The following LPO variants were observed in gnomAD, a reference collection of about 807,000 sequenced individuals.
LPO encodes the protein lactoperoxidase, also known as salivary peroxidase.
In LPO, 70 loss-of-function variants were observed where a neutral mutation model predicts 68.4. The observed-to-expected ratio is 1.02, with a 90% CI of 0.84 to 1.25. The LOEUF (loss-of-function observed/expected upper bound fraction) is 1.25. Ranked by LOEUF, LPO falls within the 50% of genes most tolerant of loss-of-function variation. The pLI, the probability that LPO is intolerant of heterozygous loss-of-function variation, is 0.00. For missense variants in LPO, 873 were observed against 908.4 expected, an observed-to-expected ratio of 0.96 and a Z score of 0.50; for synonymous variants, 360 against 357.6, an observed-to-expected ratio of 1.01 and a Z score of -0.08.
intron 10 of LPO, 37 bp from the exon 11 acceptor site, chr17:58,266,116 C>G: frequency 1.9e-6 from 3 of 1,599,202 alleles, no homozygotes; most frequent in Non-Finnish European, 2.6e-6. Context: ...CCACTCTTCC[C>G]CCAACCTAAG....
chr17:58,252,737 G>C (rs1054989474), intron 8 of LPO, among the ~76,000 whole-genome samples: 2 of 152,030 alleles, frequency 1.3e-5, no homozygotes, highest in Non-Finnish European at 2.9e-5. Flanking sequence ...AAAATAAAAA[G>C]AAAGTGCCAG....
chr17:58,257,091 G>A (rs529624784), intron 9 of LPO, among the ~76,000 whole-genome samples: 18 of 136,680 alleles, frequency 1.3e-4, no homozygotes, highest in African/African-American at 4.8e-4. Flanking sequence ...CTGCCACCAC[G>A]TCCTGCTGAT....
rs1056447772 is a variant in LPO at position 58,266,326 on chromosome 17, G to A, written c.1693G>A (p.Gly565Arg). Residue 565 changes from glycine to arginine, a missense_variant and splice_region_variant, in exon 11 of 13, where the codon GGG becomes AGG. By Grantham distance (125) the Gly-to-Arg change is moderately radical (BLOSUM62 -2). Transcript: ENST00000262290. Reference sequence around the variant, plus strand: ...GCGTTGCCGGGACCATGGGCAACCTGGTGAGTGTCTGAAGTCTGGCCTGCA... The same window carrying A: ...GCGTTGCCGGGACCATGGGCAACCTAGTGAGTGTCTGAAGTCTGGCCTGCA... The part of the protein sequence containing the change: ...TQRCRDHGQP[G>R]YNSWRAFCDL... The A allele has an allele frequency of 4.3e-6, 7 of 1,613,712 alleles. No homozygotes were observed. The highest frequency in any genetic ancestry group is 5.9e-6 in the Non-Finnish European group (7 of 1,179,984).
At position 58,267,924 on chromosome 17, in the gene LPO, C is replaced by A. The variant is rs749070457; in HGVS notation, c.2069C>A (p.Pro690His). The A allele has an allele frequency of 1.2e-6, 2 of 1,614,186 alleles. No homozygotes were observed. The highest frequency in any genetic ancestry group is 2.2e-5 in the South Asian group (2 of 91,084). Reference sequence around the variant, plus strand: ...GACCCATTCTGGGCCAACAGCTACCCCTATGACTTCGTGGATTGCTCAGCC... The same window carrying A: ...GACCCATTCTGGGCCAACAGCTACCACTATGACTTCGTGGATTGCTCAGCC... ...PRDPFWANSY[P>H]YDFVDCSAID... Residue 690 changes from proline (P) to histidine (H), a missense_variant, in exon 13 of 13, where the codon CCC becomes CAC. Physicochemically the swap from Pro to His is moderately conservative, Grantham distance 77 (BLOSUM62 -2). Transcript: ENST00000262290.
At chr17:58,257,451 T>G (rs764382321) in intron 9 of LPO, among the ~76,000 whole-genome samples, 8 of 152,248 alleles carry the variant, frequency 5.3e-5, no homozygotes, top group Admixed American at 2.0e-4. Flanking sequence ...CTTCCATCCA[T>G]GTTGTTACAA....
intron 4 of LPO, among the ~76,000 whole-genome samples, chr17:58,248,393 T>C (rs1969891495): frequency 6.6e-6 from 1 of 152,174 alleles, no homozygotes; most frequent in Admixed American, 6.5e-5. Flanking sequence ...CCTGCCACCT[T>C]TCAGAGATGG....
Position 58,247,585 on chromosome 17 carries a change from G to A in LPO, c.272G>A (p.Trp91Ter), listed in dbSNP as rs1567817213. ...TRTAIRNGQV[W>*]EESLKRLRQK... is the part of the protein sequence containing the mutation. ...ACAGCCATCCGCAATGGACAGGTGTGGGAGGAGTCTTTAAAGAGACTGAGG... is the reference window on the plus strand; with the variant it reads ...ACAGCCATCCGCAATGGACAGGTGTAGGAGGAGTCTTTAAAGAGACTGAGG... Residue 91 changes from tryptophan to a stop codon, truncating the protein, a stop_gained, in exon 4 of 13, where the codon TGG (tryptophan) becomes TAG (stop). Transcript: ENST00000262290. LOFTEE classifies it high-confidence loss of function. 8 of 1,614,184 alleles carry A rather than the reference G, an allele frequency of 5.0e-6. No homozygotes were observed. Among genetic ancestry groups the A allele is most frequent in the Non-Finnish European group, 6.8e-6 (8 of 1,180,038 alleles).
intron 7 of LPO, chr17:58,251,762 G>A: frequency 8.5e-6 from 4 of 470,886 alleles, no homozygotes; most frequent in South Asian, 6.2e-5. Context: ...CCACCTTACA[G>A]GGTTTTTTTG....
Position 58,267,399 on chromosome 17 carries a change from G to A in LPO, c.1744G>A (p.Glu582Lys). The A allele has an allele frequency of 1.2e-6, 2 of 1,614,254 alleles. No individual in the cohort carries two copies. Among genetic ancestry groups the A allele is most frequent in the Non-Finnish European group, 1.7e-6 (2 of 1,180,050 alleles). The part of the protein sequence containing the change: ...FCDLSQPQTL[E>K]ELNTVLKSKM... ...TGACCTCTCACAGCCGCAGACACTA[G>A]AGGAGTTGAACACAGTGCTGAAGAG... The change falls in exon 12 of 13, where the codon GAG (glutamate) becomes AAG (lysine). Residue 582 changes from glutamate (E) to lysine (K), a missense_variant. Transcript: ENST00000262290.
intron 3 of LPO, among the ~76,000 whole-genome samples, chr17:58,246,093 C>A (rs989830791): frequency 1.3e-5 from 2 of 152,184 alleles, no homozygotes; most frequent in African/African-American, 4.8e-5. Flanking sequence ...ACTCTAGGCA[C>A]AGGGATCAGG....
intron 7 of LPO, chr17:58,251,585 C>T (rs915199099): frequency 4.0e-6 from 1 of 251,598 alleles, no homozygotes; most frequent in Non-Finnish European, 8.0e-6. Context: ...TTTCTTCACT[C>T]AAAGAATAAA....
At chr17:58,266,840 G>A (rs914247259) in intron 11 of LPO, among the ~76,000 whole-genome samples, 1 of 152,052 alleles carries the variant, frequency 6.6e-6, no homozygotes, top group Non-Finnish European at 1.5e-5. Flanking sequence ...GCATATATCT[G>A]GTACTATCTT....
chr17:58,267,862 TG>T lies in LPO; in HGVS notation c.2008del (p.Val670SerfsTer41). On this transcript the variant is annotated frameshift_variant, in exon 13 of 13. Coordinates refer to ENST00000262290, the MANE Select transcript of LPO (RefSeq NM_006151.3). LOFTEE classifies it low-confidence loss of function (END_TRUNC). ...TACAGAAAATGTCCTTCTCACGCCTTGTCTGTGACAACACCCGCATCACCAA... is the reference window on the plus strand; with the variant it reads ...TACAGAAAATGTCCTTCTCACGCCTTTCTGTGACAACACCCGCATCACCAA... ...SLQKMSFSRL[V>X]CDNTRITKVP... 1 of 1,614,158 alleles carries T rather than the reference TG, an allele frequency of 6.2e-7. No individual in the cohort carries two copies. The highest frequency in any genetic ancestry group is 8.5e-7 in the Non-Finnish European group (1 of 1,180,018).
At chr17:58,243,794 T>C (rs1969802420) in intron 2 of LPO, 200 bp from the exon 3 acceptor site, 1 of 595,150 alleles carries the variant, frequency 1.7e-6, no homozygotes, top group South Asian at 2.0e-5. Flanking sequence ...TGACATCTTG[T>C]TGAAGATCCA....
chr17:58,259,031 T>G (rs1263944623), intron 9 of LPO, among the ~76,000 whole-genome samples: 2 of 44,692 alleles, frequency 4.5e-5, no homozygotes, highest in Admixed American at 1.4e-4. Flanking sequence ...TGGTGGGGGT[T>G]TTTTTTTTCA....
chr17:58,247,404 T>A, intron 3 of LPO, 74 bp from the exon 4 acceptor site: 6 of 1,360,838 alleles, frequency 4.4e-6, no homozygotes, highest in Non-Finnish European at 5.1e-6. Context: ...CACACACCCC[T>A]CCCACCCCTC....
intron 9 of LPO, among the ~76,000 whole-genome samples, chr17:58,259,382 G>C (rs931640283): frequency 6.6e-6 from 1 of 151,914 alleles, no homozygotes; most frequent in African/African-American, 2.4e-5. Context: ...TTGTTTCTTT[G>C]GTAAAAAATA....
chr17:58,252,057 G>A (rs929451574), intron 7 of LPO, 125 bp from the exon 8 acceptor site: 4 of 838,560 alleles, frequency 4.8e-6, no homozygotes, highest in African/African-American at 1.7e-5. Flanking sequence ...TGGGGTCAGT[G>A]TCTGGTACCA....
rs140161079 is a variant in LPO at position 58,257,405 on chromosome 17, C to T, written c.1266+2434C>T. Among the ~76,000 whole-genome samples the T allele has an allele frequency of 2.2e-4, 33 of 152,320 alleles. No homozygotes were observed. The East Asian group carries it at 6.0e-3, about 28-fold the overall frequency. ...GAGAACATGCCATGTTTGTCTTTCT[C>T]TGCCTGGCATATTTCACGTAACATA... On this transcript the variant is annotated intron_variant, in intron 9 of 12. Coordinates refer to ENST00000262290, the MANE Select transcript of LPO (RefSeq NM_006151.3).
Sources: gnomAD v4.1 joint callset for allele counts (sites outside exome capture counted in the v4.1 genomes callset) on GRCh38, gnomAD v4.1.1 for gene constraint, MANE v1.5 for transcripts, NCBI Gene and HGNC (gene_info 2026-07-23, HGNC 2026-07-21) for gene names.